CAPRIN2: variants seen among roughly 807,000 people sequenced by gnomAD.
CAPRIN2 encodes the protein caprin family member 2.
Under a neutral mutation model 130.4 loss-of-function variants are expected in CAPRIN2, and 66 were observed. That is an observed-to-expected ratio of 0.51 (90% CI 0.42 to 0.62). The LOEUF (loss-of-function observed/expected upper bound fraction) is 0.62. Among genes scored for constraint, CAPRIN2 ranks in the 20% least tolerant of loss-of-function variants. CAPRIN2 has a pLI of 0.00. For missense variants in CAPRIN2, 1,185 were observed against 1,246.6 expected (o/e 0.95, Z 0.74); for synonymous variants, 471 against 444.1 (o/e 1.06, Z -0.76).
At chr12:30,753,898 CCTTT>C (rs1444492329) in exon 1 of CAPRIN2, 1 of 781,724 alleles carries the variant, frequency 1.3e-6, no homozygotes, top group Non-Finnish European at 2.0e-6. Flanking sequence ...CTTCAGAGCT[CCTTT>C]CTTCTCATGA....
rs1165640768 is a variant in CAPRIN2, at chr12:30,730,378, G to C, written c.1061-96C>G. The C allele has an allele frequency of 7.0e-6, 6 of 863,202 alleles. No homozygotes were observed. The Admixed American group carries it at 8.0e-5, about 12-fold the overall frequency. The allele number at this position is 863,202 out of a possible 1,614,324, so 53.5% of individuals were successfully genotyped here. On this transcript the variant is annotated intron_variant, in intron 6 of 16. Coordinates refer to ENST00000298892, the Ensembl canonical transcript of CAPRIN2. ...TTCATTCTAGCAACATATTTCAGAA[G>C]ACTCGTAACAGAAAAAGGGTAATAT...
Position 30,733,716 on chromosome 12 carries a change from C to T in CAPRIN2, c.810-5G>A, listed in dbSNP as rs759588993. The stretch of plus-strand genomic sequence containing the variant: ...TGCTCCATCTGGTCTTCAACACTGA[C>T]AAGGAAAAGCAGCAGCAGAACAAAG... On this transcript the variant is annotated splice_region_variant and splice_polypyrimidine_tract_variant and intron_variant, in intron 4 of 16. Transcript: ENST00000298892. 1 of 1,609,768 alleles carries T rather than the reference C, an allele frequency of 6.2e-7. No individual in the cohort carries two copies. Among genetic ancestry groups the T allele is most frequent in the Non-Finnish European group, 8.5e-7 (1 of 1,176,176 alleles).
At chr12:30,724,596 G>A (rs2060355366) in intron 9 of CAPRIN2, 145 bp from the exon 11 acceptor site, 1 of 583,132 alleles carries the variant, frequency 1.7e-6, no homozygotes, top group Admixed American at 3.0e-5. Context: ...GCTAATCACT[G>A]TCTCAGGATG....
chr12:30,730,572 A>C (rs1310585183), intron 6 of CAPRIN2, among the ~76,000 whole-genome samples: 1 of 152,160 alleles, frequency 6.6e-6, no homozygotes, highest in Non-Finnish European at 1.5e-5. Context: ...TTCTTACCCT[A>C]AAACACAGCT....
chr12:30,750,083 A>G (rs371205727), intron 2 of CAPRIN2, among the ~76,000 whole-genome samples: 4 of 152,210 alleles, frequency 2.6e-5, no homozygotes, highest in African/African-American at 9.7e-5. Context: ...TGATTTTAAA[A>G]CAAAGCTATG....
At chr12:30,711,620 G>C (rs758846991) in exon 16 of CAPRIN2, 2 of 1,613,236 alleles carry the variant, frequency 1.2e-6, no homozygotes, top group Non-Finnish European at 1.7e-6. Context: ...TAACACTGCT[G>C]GAAATTATCC....
intron 10 of CAPRIN2, among the ~76,000 whole-genome samples, chr12:30,723,580 T>C (rs2060039443): frequency 6.6e-6 from 1 of 152,002 alleles, no homozygotes; most frequent in South Asian, 2.1e-4. Flanking sequence ...AGAAAAGAAC[T>C]AAGACATTTA....
At chr12:30,729,428 G>T in intron 7 of CAPRIN2, 103 bp from the exon 9 acceptor site, 1 of 731,062 alleles carries the variant, frequency 1.4e-6, no homozygotes, top group Non-Finnish European at 2.1e-6. Flanking sequence ...CTAAGTTGTT[G>T]CACTAATATT....
chr12:30,742,543 A>G (rs2067977755), intron 2 of CAPRIN2, among the ~76,000 whole-genome samples: 1 of 152,158 alleles, frequency 6.6e-6, no homozygotes, highest in Non-Finnish European at 1.5e-5. Flanking sequence ...AGACACTAAA[A>G]CTAAGTAGAG....
In CAPRIN2 at chr12:30,716,657, G is replaced by A. The variant is rs1443451862; in HGVS notation, c.2168C>T (p.Pro723Leu). 2.3e-5 allele frequency: 37 copies of A among 1,613,810 alleles called. No homozygotes were observed. In the East Asian group the frequency reaches 8.0e-4, roughly 35 times the overall value. Residue 723 changes from proline to leucine, a missense_variant, in exon 13 of 17, where the codon CCT becomes CTT. Transcript: ENST00000298892. ...TTCTTGTTCTTTTCGTGGAGGCAGA[G>A]GTGCATTAACGTTAAATACCTTAAA... is the stretch of plus-strand genomic sequence containing the variant.
At chr12:30,715,205 C>T in intron 13 of CAPRIN2, 64 bp from the exon 16 acceptor site, 1 of 1,283,214 alleles carries the variant, frequency 7.8e-7, no homozygotes, top group Non-Finnish European at 1.1e-6. Flanking sequence ...TACTTAAAAG[C>T]CAATATATAT....
chr12:30,722,717 G>GTTT (rs2059762033), intron 11 of CAPRIN2, among the ~76,000 whole-genome samples: 1 of 152,092 alleles, frequency 6.6e-6, no homozygotes, highest in Non-Finnish European at 1.5e-5. Flanking sequence ...TGGCCAAGAT[G>GTTT]GTGAAACCCT....
rs555185383 is a variant in CAPRIN2 at position 30,735,947 on chromosome 12, C to A, written c.571-741G>T. On this transcript the variant is annotated intron_variant, in intron 3 of 16. Transcript: ENST00000298892. Reference sequence around the variant, plus strand: ...CTTGACCCCAGGAATTCAAGACCAGCCTGGGCAACATGGCAAAACCCCATC... The same window carrying A: ...CTTGACCCCAGGAATTCAAGACCAGACTGGGCAACATGGCAAAACCCCATC... Among the ~76,000 whole-genome samples, 727 of 152,102 alleles carry A rather than the reference C, an allele frequency of 4.8e-3. 9 individuals carry two copies. The highest frequency in any genetic ancestry group is 8.7e-3 in the Non-Finnish European group (590 of 67,998).
Position 30,752,502 on chromosome 12 carries a change from C to T in CAPRIN2, c.420+842G>A, listed in dbSNP as rs77274976. On this transcript the variant is annotated intron_variant, in intron 1 of 16. Transcript: ENST00000298892. ...TACCACACTTGTGATCAACTGCATA[C>T]GTTAAAAAGATAAATGGTGAGAGCT... Among the ~76,000 whole-genome samples, 1,347 of 146,798 alleles carry T rather than the reference C, an allele frequency of 9.2e-3. 9 individuals are homozygous for T. Among genetic ancestry groups the T allele is most frequent in the Middle Eastern group, 0.029 (8 of 274 alleles).
intron 4 of CAPRIN2, 115 bp from the exon 6 acceptor site, chr12:30,733,826 G>T (rs1368079620): frequency 2.8e-6 from 2 of 726,308 alleles, no homozygotes; most frequent in Non-Finnish European, 4.8e-6. Context: ...TGTTAATTTT[G>T]TCTTTTTGCT....
At chr12:30,727,517 T>C (rs1322578966) in intron 8 of CAPRIN2, among the ~76,000 whole-genome samples, 1 of 152,186 alleles carries the variant, frequency 6.6e-6, no homozygotes, top group African/African-American at 2.4e-5. Flanking sequence ...TCCATAGAGA[T>C]AGAGAACACT....
At chr12:30,724,342 G>C (rs1404218295) in intron 10 of CAPRIN2, 28 bp downstream of exon 11, 1 of 1,412,462 alleles carries the variant, frequency 7.1e-7, no homozygotes, top group East Asian at 2.3e-5. Context: ...CAAGACGTTT[G>C]CTCCAAGTCT....
intron 14 of CAPRIN2, 28 bp downstream of exon 16, chr12:30,714,931 G>C (rs2056925447): frequency 4.4e-6 from 7 of 1,577,166 alleles, no homozygotes; most frequent in Non-Finnish European, 5.2e-6. Context: ...AAATAATTCA[G>C]TATAATTCAA....
intron 15 of CAPRIN2, 127 bp downstream of exon 17, chr12:30,713,658 T>C: frequency 1.8e-6 from 1 of 558,698 alleles, no homozygotes; most frequent in Non-Finnish European, 3.2e-6. Context: ...CCATAGGACT[T>C]ACAAGTAGTT....
Sources: allele counts gnomAD v4.1 joint callset (sites outside exome capture counted in the v4.1 genomes callset), GRCh38; gene constraint gnomAD v4.1.1; transcripts MANE v1.5; gene names NCBI Gene and HGNC (gene_info 2026-07-23, HGNC 2026-07-21).